The following FCHO1 variants were observed in gnomAD, a reference collection of about 807,000 sequenced individuals.
The protein encoded by FCHO1 is FCH and mu domain containing endocytic adaptor 1, also known as F-BAR domain only protein 1.
A neutral mutation model predicts 114.4 loss-of-function variants in FCHO1; 45 were observed. The observed-to-expected ratio is 0.39, with a 90% CI of 0.31 to 0.50. FCHO1 has a LOEUF of 0.50. FCHO1 is among the 20% of genes least tolerant of loss of function. FCHO1 has a pLI of 0.77. For missense variants in FCHO1, 1,042 were observed against 1,209.6 expected (o/e 0.86, Z 2.06); for synonymous variants, 480 against 488.9 (o/e 0.98, Z 0.24).
At chr19:17,762,250 T>TGTTG (rs2086581889) in intron 4 of FCHO1, among the ~76,000 whole-genome samples, 1 of 151,964 alleles carries the variant, frequency 6.6e-6, no homozygotes, top group Non-Finnish European at 1.5e-5. Context: ...CTTCTCAAAG[T>TGTTG]GTTGGGATTA....
In FCHO1 at chr19:17,774,461, A is replaced by G. The variant is rs2287859; in HGVS notation, c.903A>G (p.Pro301=). 713,852 of 1,612,384 alleles carry G rather than the reference A, an allele frequency of 0.44. 165,578 individuals are homozygous for G. The highest frequency in any genetic ancestry group is 0.82 in the East Asian group (36,916 of 44,858). ...LPGLSRRERE[P]EPPAAVDFLE... ...GACTAAGCCGGCGGGAGCGGGAGCC[A>G]GAGCCACCTGCAGCTGTGTGAGGAA... Residue 301 remains proline (P), a synonymous_variant, in exon 13 of 29, where the codon CCA becomes CCG. Coordinates refer to ENST00000596536, the MANE Select transcript of FCHO1 (RefSeq NM_015122.3).
intron 26 of FCHO1, among the ~76,000 whole-genome samples, chr19:17,785,905 A>G (rs556760970): frequency 1.6e-4 from 24 of 151,818 alleles, no homozygotes; most frequent in Non-Finnish European, 2.8e-4. Context: ...AGACAGAAGG[A>G]TCACTTGAGC....
chr19:17,785,197 A>G (rs2093763599), intron 26 of FCHO1, among the ~76,000 whole-genome samples: 1 of 152,062 alleles, frequency 6.6e-6, no homozygotes, highest in South Asian at 2.1e-4. Flanking sequence ...TCTACAAAAA[A>G]TATTTTGTTT....
chr19:17,783,834 G>A (rs537607754), intron 24 of FCHO1, among the ~76,000 whole-genome samples: 9 of 152,256 alleles, frequency 5.9e-5, no homozygotes, highest in East Asian at 3.9e-4. Context: ...ACCCGTCTCA[G>A]CCTCCCAAAG....
At chr19:17,785,424 T>C (rs2093787185) in intron 26 of FCHO1, among the ~76,000 whole-genome samples, 1 of 152,032 alleles carries the variant, frequency 6.6e-6, no homozygotes, top group Admixed American at 6.6e-5. Flanking sequence ...GGTTTCACCA[T>C]GTTGGTCAGG....
At chr19:17,780,646 G>T (rs1322476012) in intron 20 of FCHO1, among the ~76,000 whole-genome samples, 1 of 152,114 alleles carries the variant, frequency 6.6e-6, no homozygotes, top group Non-Finnish European at 1.5e-5. Context: ...CCCGAGAATG[G>T]TCCAGCCCCC....
At chr19:17,762,420 A>G (rs1358840723) in intron 4 of FCHO1, among the ~76,000 whole-genome samples, 2 of 152,124 alleles carry the variant, frequency 1.3e-5, no homozygotes, top group Non-Finnish European at 2.9e-5. Context: ...ACAAAGAGAA[A>G]AGGGGAGGAG....
At chr19:17,786,348 AAAAC>A (rs1568379257) in intron 26 of FCHO1, among the ~76,000 whole-genome samples, 1 of 133,344 alleles carries the variant, frequency 7.5e-6, no homozygotes. Context: ...AACACACAAA[AAAAC>A]ACAAAACAAA....
intron 6 of FCHO1, among the ~76,000 whole-genome samples, chr19:17,765,384 C>A (rs143800873): frequency 0.013 from 2,040 of 151,966 alleles, 18 homozygotes; most frequent in Non-Finnish European, 0.021. Flanking sequence ...TTTGCATGAA[C>A]CTTGTGCCCG....
chr19:17,784,107 C>G lies in FCHO1; in HGVS notation c.2098C>G (p.Pro700Ala). The G allele has an allele frequency of 6.2e-7, 1 of 1,613,950 alleles. No homozygotes were observed. ...GATCAGTCCGGGTCTCTGCAGTGAC[C>G]CCTCCCAGAGTGACCCTGAGACCAA... ...QPNADLLFSD[P>A]SQSDPETKDF... The change falls in exon 25 of 29, where the codon CCC (proline) becomes GCC (alanine). Residue 700 changes from proline to alanine, a missense_variant. Transcript: ENST00000596536. The surrounding 1 kb of genome is among the most constrained non-coding windows in gnomAD (Gnocchi z 5.3).
At chr19:17,782,743 A>AC (rs2093539898) in intron 23 of FCHO1, among the ~76,000 whole-genome samples, 2 of 152,172 alleles carry the variant, frequency 1.3e-5, no homozygotes, top group Admixed American at 6.5e-5. Context: ...TAGCTAAAAA[A>AC]CTGAACATTT....
intron 27 of FCHO1, among the ~76,000 whole-genome samples, chr19:17,787,223 CAAAAAAAAA>C (rs61302593): frequency 7.5e-5 from 3 of 39,826 alleles, no homozygotes; most frequent in Admixed American, 4.6e-4. Context: ...GACTCTGTCT[CAAAAAAAAA>C]AAAAAAAAAA....
At chr19:17,771,035 C>T (rs1363173074) in intron 9 of FCHO1, 139 bp downstream of exon 9, 4 of 642,308 alleles carry the variant, frequency 6.2e-6, no homozygotes, top group East Asian at 3.1e-5. Flanking sequence ...GGGAGGATCA[C>T]CTGAGGTCAG....
At position 17,772,550 on chromosome 19, in the gene FCHO1, G is replaced by A. The variant is rs1281788801; in HGVS notation, c.688G>A (p.Gly230Arg). The change falls in exon 10 of 29, where the codon GGG becomes AGG. Residue 230 changes from glycine to arginine, a missense_variant. This residue lies in a region of FCHO1 where 450 missense variants were observed against 564.1 expected (regional missense o/e 0.80). Coordinates refer to ENST00000596536, the MANE Select transcript of FCHO1 (RefSeq NM_015122.3). Reference protein sequence around the residue: ...HSVEDTHVQIGQVHEEFKQNI... With the variant: ...HSVEDTHVQIRQVHEEFKQNI... Reference sequence around the variant, plus strand: ...GGTGGAGGACACGCACGTGCAGATTGGGCAGGTGAGTTGGGCAGGTGTGAG... The same window carrying A: ...GGTGGAGGACACGCACGTGCAGATTAGGCAGGTGAGTTGGGCAGGTGTGAG... 3 of 1,614,106 alleles carry A rather than the reference G, an allele frequency of 1.9e-6. No individual in the cohort carries two copies. The Admixed American group carries it at 5.0e-5, about 27-fold the overall frequency.
intron 27 of FCHO1, among the ~76,000 whole-genome samples, chr19:17,787,419 A>C (rs919282361): frequency 6.6e-6 from 1 of 151,622 alleles, no homozygotes; most frequent in Non-Finnish European, 1.5e-5. Flanking sequence ...TCTAAAAAAA[A>C]AAAAAAAAAG....
rs867555739 is a variant in FCHO1 at position 17,781,866 on chromosome 19, G to T, written c.1937+46G>T. The T allele has an allele frequency of 2.3e-6, 3 of 1,332,924 alleles. No individual in the cohort carries two copies. In the Middle Eastern group the frequency reaches 5.6e-4, roughly 250 times the overall value. The allele number at this position is 1,332,924 out of a possible 1,614,324, so 82.6% of individuals were successfully genotyped here. ...AGGGCCCGTGGGAAGTCTGTGTTGG[G>T]GGAGTCCAGCAGGGACAGCTTTCAG... On this transcript the variant is annotated intron_variant, in intron 23 of 28. Coordinates refer to ENST00000596536, the MANE Select transcript of FCHO1 (RefSeq NM_015122.3).
In FCHO1 at chr19:17,772,739, C is replaced by T; in HGVS notation, c.788C>T (p.Pro263Leu). 1 of 1,613,830 alleles carries T rather than the reference C, an allele frequency of 6.2e-7. No homozygotes were observed. The highest frequency in any genetic ancestry group is 8.5e-7 in the Non-Finnish European group (1 of 1,179,762). Reference protein sequence around the residue: ...AESKGTGREKPGPLDFEAYSA... With the variant: ...AESKGTGREKLGPLDFEAYSA... ...AGTAAGGGCACAGGCCGGGAGAAGC[C>T]TGGTGAGTCAGGGCAGCCATTGGGG... The change falls in exon 11 of 29, where the codon CCT becomes CTT. Residue 263 changes from proline (P) to leucine (L), a missense_variant and splice_region_variant. Pro to Leu is a moderately conservative substitution (Grantham distance 98). Around this residue, in one of 3 missense-constraint regions of FCHO1, gnomAD observed 450 missense variants for 564.1 expected, o/e 0.80. Coordinates refer to ENST00000596536, the MANE Select transcript of FCHO1 (RefSeq NM_015122.3).
In FCHO1 at chr19:17,781,462, T is replaced by C. The variant is rs1481794403; in HGVS notation, c.1751T>C (p.Leu584Pro). Residue 584 changes from leucine (L) to proline (P), a missense_variant, in exon 22 of 29, where the codon CTG (leucine) becomes CCG (proline). Physicochemically the swap from Leu to Pro is moderately conservative, Grantham distance 98. Transcript: ENST00000596536. ...TRSNGDLSRS[L>P]SPSPLGSSAA... ...CTCTTTCCCTTCCAGTCTCGTTCCCTGAGCCCCTCCCCACTGGGCTCTTCA... is the reference window on the plus strand; with the variant it reads ...CTCTTTCCCTTCCAGTCTCGTTCCCCGAGCCCCTCCCCACTGGGCTCTTCA... 1 of 1,613,966 alleles carries C rather than the reference T, an allele frequency of 6.2e-7. No individual in the cohort carries two copies. Among genetic ancestry groups the C allele is most frequent in the Non-Finnish European group, 8.5e-7 (1 of 1,179,980 alleles).
intron 7 of FCHO1, among the ~76,000 whole-genome samples, chr19:17,768,248 T>G (rs1213222442): frequency 6.6e-6 from 1 of 152,128 alleles, no homozygotes; most frequent in African/African-American, 2.4e-5. Context: ...TTTTGTATTT[T>G]TAGTAGAGAC....
Sources: gnomAD v4.1 joint callset for allele counts (sites outside exome capture counted in the v4.1 genomes callset) on GRCh38, gnomAD v4.1.1 for gene constraint, gnomAD v4.1.1 regional missense constraint, Gnocchi (gnomAD v3.1) non-coding constraint, MANE v1.5 for transcripts, NCBI Gene and HGNC (gene_info 2026-07-23, HGNC 2026-07-21) for gene names.